The following SRGAP3 variants were observed in gnomAD, a reference collection of about 807,000 sequenced individuals.
SRGAP3 encodes the protein SLIT-ROBO Rho GTPase-activating protein 3.
Under a neutral mutation model 121.1 loss-of-function variants are expected in SRGAP3, and 39 were observed. The observed-to-expected ratio is 0.32, with a 90% confidence interval of 0.25 to 0.42. The LOEUF is 0.42. SRGAP3 is among the 10% of genes least tolerant of loss of function. SRGAP3 has a pLI of 1.00. For missense variants in SRGAP3, 1,213 were observed against 1,470.6 expected, an observed-to-expected ratio of 0.82 and a Z score of 2.86; for synonymous variants, 601 against 570.0, an observed-to-expected ratio of 1.05 and a Z score of -0.77.
intron 1 of SRGAP3, among the ~76,000 whole-genome samples, chr3:9,197,529 A>G (rs1951951608): frequency 6.6e-6 from 1 of 152,246 alleles, no homozygotes; most frequent in Non-Finnish European, 1.5e-5. Flanking sequence ...ACAGTTTGCA[A>G]AATGTTTCTT....
At chr3:9,317,671 G>C (rs1212098300) in intron 3 of SRGAP3, among the ~76,000 whole-genome samples, 1 of 152,224 alleles carries the variant, frequency 6.6e-6, no homozygotes, top group Non-Finnish European at 1.5e-5. Flanking sequence ...TAGAAGGGAG[G>C]TTCTCAAACT....
In SRGAP3 at chr3:9,170,216, C is replaced by T. The variant is rs967374147; in HGVS notation, c.68-45299G>A. Among the ~76,000 whole-genome samples, 5 of 152,332 alleles carry T rather than the reference C, an allele frequency of 3.3e-5. No individual in the cohort carries two copies. The East Asian group carries it at 9.6e-4, about 29-fold the overall frequency. Reference sequence around the variant, plus strand: ...GCCCCCAGTCTCACACCTCTCAAATCTACAAACCAAAACTCTTTGACACTT... The same window carrying T: ...GCCCCCAGTCTCACACCTCTCAAATTTACAAACCAAAACTCTTTGACACTT... On this transcript the variant is annotated intron_variant, in intron 1 of 21. Coordinates refer to ENST00000383836, the MANE Select transcript of SRGAP3 (RefSeq NM_014850.4).
At chr3:9,195,053 G>A (rs1236511853) in intron 1 of SRGAP3, among the ~76,000 whole-genome samples, 4 of 152,176 alleles carry the variant, frequency 2.6e-5, no homozygotes, top group African/African-American at 9.7e-5. Flanking sequence ...CACTTTCCCT[G>A]GTGTAAATAT....
At chr3:9,340,654 C>T (rs966555254) in intron 1 of SRGAP3, among the ~76,000 whole-genome samples, 2 of 150,206 alleles carry the variant, frequency 1.3e-5, no homozygotes, top group Admixed American at 6.6e-5. Context: ...GGAAAACCAA[C>T]ATCCAGTAGT....
chr3:9,254,716 C>G (rs986098907), intron 3 of SRGAP3, among the ~76,000 whole-genome samples: 3 of 151,872 alleles, frequency 2.0e-5, no homozygotes, highest in Admixed American at 2.0e-4. Flanking sequence ...GAATCACTTG[C>G]ACCCAAGAGG....
intron 1 of SRGAP3, among the ~76,000 whole-genome samples, chr3:9,157,975 C>T (rs1950476019): frequency 6.6e-6 from 1 of 152,190 alleles, no homozygotes; most frequent in African/African-American, 2.4e-5. Context: ...TTGTTATTTT[C>T]ACCTAATCCT....
chr3:9,140,160 C>A (rs1488735822), intron 1 of SRGAP3, among the ~76,000 whole-genome samples: 1 of 151,356 alleles, frequency 6.6e-6, no homozygotes, highest in Non-Finnish European at 1.5e-5. Context: ...CATACATACA[C>A]AAATGTATGT....
At chr3:9,082,635 C>CCGT (rs1161793539) in intron 3 of SRGAP3, among the ~76,000 whole-genome samples, 2 of 152,192 alleles carry the variant, frequency 1.3e-5, no homozygotes, top group African/African-American at 4.8e-5. Context: ...AAAATGGGAG[C>CCGT]CGTGATCTTG....
intron 3 of SRGAP3, among the ~76,000 whole-genome samples, chr3:9,314,568 T>G (rs890495074): frequency 1.3e-5 from 2 of 152,046 alleles, no homozygotes; most frequent in East Asian, 1.9e-4. Flanking sequence ...GTCCCTGCAA[T>G]GAAAGAGATG....
At chr3:9,107,881 C>T (rs1433241465) in intron 2 of SRGAP3, among the ~76,000 whole-genome samples, 1 of 152,190 alleles carries the variant, frequency 6.6e-6, no homozygotes, top group African/African-American at 2.4e-5. Context: ...TGCCATGTAG[C>T]AGATGCTATG....
intron 3 of SRGAP3, among the ~76,000 whole-genome samples, chr3:9,300,327 T>G (rs1367147863): frequency 6.6e-6 from 1 of 150,862 alleles, no homozygotes; most frequent in Non-Finnish European, 1.5e-5. Context: ...CACAACTCTT[T>G]ACCTTTGTAC....
chr3:9,304,149 T>C (rs936197122), intron 3 of SRGAP3, among the ~76,000 whole-genome samples: 1 of 152,158 alleles, frequency 6.6e-6, no homozygotes, highest in Non-Finnish European at 1.5e-5. Flanking sequence ...CAACAGTAAC[T>C]TCCCCTTCAG....
At chr3:9,335,270 T>C (rs1268828342) in intron 1 of SRGAP3, among the ~76,000 whole-genome samples, 3 of 152,328 alleles carry the variant, frequency 2.0e-5, no homozygotes, top group African/African-American at 4.8e-5. Context: ...ATGTAGGAAA[T>C]TGGGCTCCTT....
chr3:9,345,934 G>C (rs1955883200), intron 1 of SRGAP3, among the ~76,000 whole-genome samples: 1 of 152,178 alleles, frequency 6.6e-6, no homozygotes, highest in Non-Finnish European at 1.5e-5. Flanking sequence ...GAACCAAGAA[G>C]AGATTTTTAA....
At chr3:9,307,487 C>T (rs577694923) in intron 3 of SRGAP3, among the ~76,000 whole-genome samples, 3 of 152,314 alleles carry the variant, frequency 2.0e-5, no homozygotes, top group Admixed American at 6.5e-5. Flanking sequence ...CATGAACCTA[C>T]GACCCAGCTA....
intron 3 of SRGAP3, among the ~76,000 whole-genome samples, chr3:9,283,971 T>C (rs576993205): frequency 3.3e-5 from 5 of 152,336 alleles, no homozygotes; most frequent in African/African-American, 1.2e-4. Flanking sequence ...TATTTTGCAT[T>C]GCCATCAGTT....
At chr3:9,199,811 G>A (rs926584977) in intron 1 of SRGAP3, among the ~76,000 whole-genome samples, 12 of 152,164 alleles carry the variant, frequency 7.9e-5, no homozygotes, top group African/African-American at 2.9e-4. Flanking sequence ...ATTCTTTCTC[G>A]ACATACCAAG....
chr3:9,276,763 G>A (rs183181571), intron 3 of SRGAP3, among the ~76,000 whole-genome samples: 15 of 152,324 alleles, frequency 9.8e-5, no homozygotes, highest in Non-Finnish European at 1.9e-4. Flanking sequence ...TGGGCTTCCA[G>A]CCCTGCTCTA....
chr3:9,318,609 T>C (rs1295033869), intron 3 of SRGAP3, among the ~76,000 whole-genome samples: 2 of 151,134 alleles, frequency 1.3e-5, no homozygotes, highest in Middle Eastern at 3.2e-3. Flanking sequence ...GTGCCGTGGC[T>C]CATACCTGTA....
Sources: allele counts gnomAD v4.1 joint callset (sites outside exome capture counted in the v4.1 genomes callset), GRCh38; gene constraint gnomAD v4.1.1; transcripts MANE v1.5; gene names NCBI Gene and HGNC (gene_info 2026-07-23, HGNC 2026-07-21).